The following GULP1 variants were observed in gnomAD, a reference collection of about 807,000 sequenced individuals.
GULP1 encodes the protein PTB domain-containing engulfment adapter protein 1.
In GULP1, 19 loss-of-function variants were observed where a neutral mutation model predicts 40.9. The observed-to-expected ratio is 0.46, with a 90% CI of 0.32 to 0.68. GULP1 has a LOEUF of 0.68. Among genes scored for constraint, GULP1 ranks in the 30% least tolerant of loss-of-function variants. The pLI is 0.03. For missense variants in GULP1, 312 were observed against 362.2 expected (o/e 0.86, Z 1.12); for synonymous variants, 119 against 117.6 (o/e 1.01, Z -0.08).
At chr2:188,520,037 C>T (rs2065583486) in intron 4 of GULP1, among the ~76,000 whole-genome samples, 1 of 152,122 alleles carries the variant, frequency 6.6e-6, no homozygotes, top group Non-Finnish European at 1.5e-5. Context: ...TGTGACAGCT[C>T]CATTGGTGTC....
intron 5 of GULP1, among the ~76,000 whole-genome samples, chr2:188,528,656 T>G (rs1686792193): frequency 6.6e-6 from 1 of 152,122 alleles, no homozygotes; most frequent in Non-Finnish European, 1.5e-5. Flanking sequence ...ATTGATGTGG[T>G]TGGATAGAAT....
chr2:188,388,711 A>G (rs1373171846), intron 2 of GULP1, among the ~76,000 whole-genome samples: 1 of 152,214 alleles, frequency 6.6e-6, no homozygotes, highest in Non-Finnish European at 1.5e-5. Context: ...GCACTAAGCT[A>G]GGAACTGTAG....
rs1405004717 is a variant in GULP1, at chr2:188,291,949, G to C, written c.-389G>C. On this transcript the variant is annotated 5_prime_UTR_variant, in exon 1 of 12. Coordinates refer to ENST00000409830, the MANE Select transcript of GULP1 (RefSeq NM_016315.4). Reference sequence around the variant, plus strand: ...GCCAGCGCCAGTTTTGGATTCGGCGGATTAGGAAGAGGAGGGAGGGGGGAG... The same window carrying C: ...GCCAGCGCCAGTTTTGGATTCGGCGCATTAGGAAGAGGAGGGAGGGGGGAG... 3 of 152,474 alleles carry C rather than the reference G, an allele frequency of 2.0e-5. No individual in the cohort carries two copies. Among genetic ancestry groups the C allele is most frequent in the African/African-American group, 7.2e-5 (3 of 41,456 alleles). The allele number at this position is 152,474 out of a possible 1,614,324, so 9.4% of individuals were successfully genotyped here. A position where few individuals can be genotyped will look rare whatever the true frequency, so the allele number is the denominator to read the frequency against.
chr2:188,591,086 C>T (rs1041582650), intron 11 of GULP1: 1 of 151,728 alleles, frequency 6.6e-6, no homozygotes, highest in African/African-American at 2.4e-5. Context: ...ATAATTAAAG[C>T]AATTAGACAA....
chr2:188,506,193 AGCATACTT>A (rs1036686903), intron 4 of GULP1, among the ~76,000 whole-genome samples: 21 of 151,892 alleles, frequency 1.4e-4, no homozygotes, highest in African/African-American at 5.1e-4. Flanking sequence ...CAGTGTCATA[AGCATACTT>A]GCTAATGTAA....
chr2:188,517,114 CATT>C (rs528309935), intron 4 of GULP1, among the ~76,000 whole-genome samples: 82 of 151,952 alleles, frequency 5.4e-4, no homozygotes, highest in Non-Finnish European at 1.1e-3. Flanking sequence ...TTTAATAAAA[CATT>C]ATTTTTTTTT....
chr2:188,365,841 G>T (rs770056845), intron 1 of GULP1, among the ~76,000 whole-genome samples: 10 of 152,158 alleles, frequency 6.6e-5, no homozygotes, highest in Non-Finnish European at 1.2e-4. Flanking sequence ...CTTGAAGTGG[G>T]CGATATGGTA....
chr2:188,522,093 AAAAC>A (rs1404652990), intron 4 of GULP1, among the ~76,000 whole-genome samples: 8 of 152,168 alleles, frequency 5.3e-5, no homozygotes, highest in Non-Finnish European at 8.8e-5. Context: ...AAACCAAACT[AAAAC>A]AAAACCAAAA....
intron 3 of GULP1, among the ~76,000 whole-genome samples, chr2:188,480,575 G>GTAT (rs2061369771): frequency 6.6e-6 from 1 of 151,766 alleles, no homozygotes; most frequent in Non-Finnish European, 1.5e-5. Flanking sequence ...GAAGAGTGCT[G>GTAT]AATATATTAC....
rs186544700 is a variant in GULP1 at position 188,570,963 on chromosome 2, G to A, written c.609+843G>A. ...ATTTGAGCCCAGGGGTTCAAGACCA[G>A]TCTGGCAACATGGTGAAACCTTGTC... On this transcript the variant is annotated intron_variant, in intron 9 of 11. Transcript: ENST00000409830. Among the ~76,000 whole-genome samples, 9 of 152,156 alleles carry A rather than the reference G, an allele frequency of 5.9e-5. No homozygotes were observed. In the South Asian group the frequency reaches 8.3e-4, roughly 14 times the overall value.
chr2:188,489,033 TA>T (rs2153085837), intron 4 of GULP1, among the ~76,000 whole-genome samples: 1 of 152,130 alleles, frequency 6.6e-6, no homozygotes, highest in African/African-American at 2.4e-5. Context: ...TAATGCTCTT[TA>T]AATTGTTTTT....
chr2:188,432,891 A>G (rs1331639144), intron 2 of GULP1, among the ~76,000 whole-genome samples: 1 of 152,120 alleles, frequency 6.6e-6, no homozygotes, highest in Admixed American at 6.6e-5. Flanking sequence ...CTAAACACAC[A>G]TACACACAAA....
At chr2:188,562,354 A>G (rs1011429628) in intron 7 of GULP1, among the ~76,000 whole-genome samples, 3 of 152,148 alleles carry the variant, frequency 2.0e-5, no homozygotes, top group Admixed American at 1.3e-4. Flanking sequence ...CCATGTATGG[A>G]AAGTCACTCC....
chr2:188,422,412 A>G (rs1024745952), intron 2 of GULP1, among the ~76,000 whole-genome samples: 25 of 151,170 alleles, frequency 1.7e-4, no homozygotes, highest in African/African-American at 5.3e-4. Context: ...ATACATATAT[A>G]TATATATATT....
At chr2:188,303,954 A>G (rs969178784) in intron 1 of GULP1, among the ~76,000 whole-genome samples, 5 of 152,122 alleles carry the variant, frequency 3.3e-5, no homozygotes, top group African/African-American at 1.2e-4. Flanking sequence ...GATTGTTTAG[A>G]GATTGTCCTG....
At chr2:188,442,624 A>C (rs1369446024) in intron 2 of GULP1, among the ~76,000 whole-genome samples, 1 of 152,160 alleles carries the variant, frequency 6.6e-6, no homozygotes, top group Non-Finnish European at 1.5e-5. Context: ...GTCTGGGTCC[A>C]AATCTCACAC....
chr2:188,382,935 T>C (rs890865435), intron 1 of GULP1, among the ~76,000 whole-genome samples: 1 of 152,166 alleles, frequency 6.6e-6, no homozygotes, highest in Non-Finnish European at 1.5e-5. Context: ...TTGAGATCTA[T>C]CTAAGAAAGT....
intron 2 of GULP1, among the ~76,000 whole-genome samples, chr2:188,468,673 A>G (rs2060331964): frequency 6.6e-6 from 1 of 152,172 alleles, no homozygotes; most frequent in Non-Finnish European, 1.5e-5. Context: ...TTTTCAGTGG[A>G]TATTTTGAAA....
chr2:188,430,758 A>G (rs190886312), intron 2 of GULP1, among the ~76,000 whole-genome samples: 7 of 152,178 alleles, frequency 4.6e-5, no homozygotes, highest in Admixed American at 1.3e-4. Flanking sequence ...CCAGCAATAC[A>G]AACTAAAAAT....
Sources: gnomAD v4.1 joint callset for allele counts (sites outside exome capture counted in the v4.1 genomes callset) on GRCh38, gnomAD v4.1.1 for gene constraint, MANE v1.5 for transcripts, NCBI Gene and HGNC (gene_info 2026-07-23, HGNC 2026-07-21) for gene names.